The following QRFPR variants were observed in gnomAD, a reference collection of about 807,000 sequenced individuals.
QRFPR encodes pyroglutamylated RF-amide peptide receptor.
QRFPR carries 37 observed loss-of-function variants against 31.3 expected under a neutral mutation model. The ratio of observed to expected loss-of-function variants is 1.18; its 90% CI spans 0.91 to 1.56. QRFPR has a LOEUF of 1.56. Among genes scored for constraint, QRFPR ranks in the 40% most tolerant of loss-of-function variants. QRFPR has a pLI of 0.00. For synonymous variants in QRFPR, 197 were observed against 192.0 expected (o/e 1.03, Z -0.22); for missense variants, 542 against 532.5 (o/e 1.02, Z -0.18).
rs188406741 is a variant in QRFPR at position 121,361,674 on chromosome 4, G to A, written c.340+18634C>T. Among the ~76,000 whole-genome samples the A allele has an allele frequency of 2.0e-5, 3 of 150,244 alleles. 1 individual carries two copies. The highest frequency in any genetic ancestry group is 4.4e-5 in the Non-Finnish European group (3 of 67,606). ...AAGTTCCAGGTGATGCTGATGCTGC[G>A]TGTCCATGGACCAGGCTTTAAACAG... On this transcript the variant is annotated intron_variant, in intron 1 of 5. Transcript: ENST00000394427.
chr4:121,337,293 C>A (rs982463635), intron 2 of QRFPR, among the ~76,000 whole-genome samples: 1 of 152,186 alleles, frequency 6.6e-6, no homozygotes, highest in Non-Finnish European at 1.5e-5. Flanking sequence ...CAGTGTCTAT[C>A]TGTGGACTCA....
intron 1 of QRFPR, among the ~76,000 whole-genome samples, chr4:121,356,626 T>A (rs1054247036): frequency 6.6e-6 from 1 of 152,186 alleles, no homozygotes; most frequent in Non-Finnish European, 1.5e-5. Flanking sequence ...TTATCAGTAC[T>A]AGGGGGCAGC....
In QRFPR at chr4:121,330,537, G is replaced by T. The variant is rs1725302670; in HGVS notation, c.798-14C>A. 1 of 1,601,154 alleles carries T rather than the reference G, an allele frequency of 6.2e-7. No individual in the cohort carries two copies. Among genetic ancestry groups the T allele is most frequent in the Non-Finnish European group, 8.6e-7 (1 of 1,168,482 alleles). On this transcript the variant is annotated splice_polypyrimidine_tract_variant and intron_variant, in intron 4 of 5. Coordinates refer to ENST00000394427, the MANE Select transcript of QRFPR (RefSeq NM_198179.3). ...CGTTTCTTCTTCCTAAACCCACAAG[G>T]AAACATTGTATTAGTTAACTTCTCC...
chr4:121,344,238 C>T (rs1725602256), intron 1 of QRFPR, among the ~76,000 whole-genome samples: 1 of 152,214 alleles, frequency 6.6e-6, no homozygotes, highest in Admixed American at 6.5e-5. Flanking sequence ...GTCCACACAG[C>T]TATTTATTGA....
At chr4:121,339,056 C>T (rs576899245) in intron 2 of QRFPR, among the ~76,000 whole-genome samples, 256 of 152,310 alleles carry the variant, frequency 1.7e-3, no homozygotes, top group Non-Finnish European at 3.0e-3. Context: ...AAAACTAACA[C>T]CTTTCTCCCC....
At chr4:121,344,586 T>C (rs1725608333) in intron 1 of QRFPR, among the ~76,000 whole-genome samples, 1 of 152,190 alleles carries the variant, frequency 6.6e-6, no homozygotes, top group Non-Finnish European at 1.5e-5. Context: ...CTTTTAAAAA[T>C]AGGTACATGC....
At chr4:121,352,107 A>G (rs981320519) in intron 1 of QRFPR, among the ~76,000 whole-genome samples, 1 of 152,130 alleles carries the variant, frequency 6.6e-6, no homozygotes, top group Admixed American at 6.6e-5. Context: ...GTTGGAATAA[A>G]TATTTTTTGT....
At chr4:121,337,980 T>C (rs1486163600) in intron 2 of QRFPR, among the ~76,000 whole-genome samples, 1 of 152,140 alleles carries the variant, frequency 6.6e-6, no homozygotes, top group East Asian at 1.9e-4. Context: ...CTATATTGGG[T>C]GGAACATTAA....
chr4:121,374,359 A>G (rs999169242), intron 1 of QRFPR, among the ~76,000 whole-genome samples: 7 of 152,198 alleles, frequency 4.6e-5, no homozygotes, highest in African/African-American at 1.4e-4. Flanking sequence ...TACATGGGGT[A>G]GGCACTATAC....
Position 121,380,372 on chromosome 4 carries a change from C to G in QRFPR, c.276G>C (p.Leu92=). 6.2e-7 allele frequency: 1 copy of G among 1,614,148 alleles called. No homozygotes were observed. Among genetic ancestry groups the G allele is most frequent in the South Asian group, 1.1e-5 (1 of 91,086 alleles). Residue 92 remains leucine (L), a synonymous_variant, in exon 1 of 6, where the codon CTG becomes CTC. Coordinates refer to ENST00000394427, the MANE Select transcript of QRFPR (RefSeq NM_198179.3). Reference sequence around the variant, plus strand: ...CGGGAATGCAGAAGAAGGTGATGAGCAGGTCACTGAGCGCCAAGGAGCAGA... The same window carrying G: ...CGGGAATGCAGAAGAAGGTGATGAGGAGGTCACTGAGCGCCAAGGAGCAGA... The part of the protein sequence containing the change: ...IFICSLALSD[L]LITFFCIPVT...
At chr4:121,361,803 T>C (rs1288131047) in intron 1 of QRFPR, among the ~76,000 whole-genome samples, 2 of 150,156 alleles carry the variant, frequency 1.3e-5, no homozygotes, top group Non-Finnish European at 3.0e-5. Context: ...CGCAAGTTTG[T>C]AGTATGACAA....
chr4:121,351,939 C>T (rs1725768925), intron 1 of QRFPR, among the ~76,000 whole-genome samples: 1 of 151,002 alleles, frequency 6.6e-6, no homozygotes, highest in Non-Finnish European at 1.5e-5. Flanking sequence ...TTTAACAATG[C>T]AACCAAAAAA....
At chr4:121,372,466 A>G (rs1726266902) in intron 1 of QRFPR, among the ~76,000 whole-genome samples, 1 of 152,210 alleles carries the variant, frequency 6.6e-6, no homozygotes, top group Admixed American at 6.5e-5. Context: ...TTTTAAGTGT[A>G]TGATTCAGTG....
intron 1 of QRFPR, among the ~76,000 whole-genome samples, chr4:121,373,334 A>G (rs1726288401): frequency 6.6e-6 from 1 of 152,188 alleles, no homozygotes; most frequent in Admixed American, 6.5e-5. Flanking sequence ...CTACCAAAAA[A>G]ATTTAGTGAC....
chr4:121,331,434 T>C (rs980002553), intron 4 of QRFPR, among the ~76,000 whole-genome samples: 4 of 151,128 alleles, frequency 2.6e-5, no homozygotes, highest in African/African-American at 9.7e-5. Flanking sequence ...TCTTCCAACT[T>C]CAGCCTCCCA....
intron 1 of QRFPR, among the ~76,000 whole-genome samples, chr4:121,355,642 C>T (rs929559464): frequency 2.6e-4 from 40 of 151,806 alleles, no homozygotes; most frequent in Admixed American, 2.4e-3. Flanking sequence ...CTTTGAGATA[C>T]ATTATTAGAT....
At chr4:121,330,277 A>G in intron 5 of QRFPR, 149 bp downstream of exon 5, 1 of 617,194 alleles carries the variant, frequency 1.6e-6, no homozygotes, top group South Asian at 2.1e-5. Context: ...CCACATAATG[A>G]CCTTGTGATC....
intron 2 of QRFPR, among the ~76,000 whole-genome samples, chr4:121,338,611 A>C (rs1725479309): frequency 6.6e-6 from 1 of 152,234 alleles, no homozygotes; most frequent in Admixed American, 6.5e-5. Flanking sequence ...AAGCGAAAAG[A>C]TTTGACATCC....
intron 1 of QRFPR, among the ~76,000 whole-genome samples, chr4:121,342,662 A>G (rs1725564182): frequency 6.6e-6 from 1 of 151,768 alleles, no homozygotes; most frequent in Non-Finnish European, 1.5e-5. Flanking sequence ...TTTATTATTT[A>G]TTTACCCCTA....
Sources: allele counts gnomAD v4.1 joint callset (sites outside exome capture counted in the v4.1 genomes callset), GRCh38; gene constraint gnomAD v4.1.1; transcripts MANE v1.5; gene names NCBI Gene and HGNC (gene_info 2026-07-23, HGNC 2026-07-21).